The following ATRNL1 variants were observed in gnomAD, a reference collection of about 807,000 sequenced individuals.
ATRNL1 encodes the protein attractin-like protein 1.
In ATRNL1, 95 loss-of-function variants were observed where a neutral mutation model predicts 182.7. The ratio of observed to expected loss-of-function variants is 0.52; its 90% CI spans 0.44 to 0.62. The LOEUF (loss-of-function observed/expected upper bound fraction) is 0.62. ATRNL1 is among the 20% of genes least tolerant of loss of function. The pLI, the probability that ATRNL1 is intolerant of heterozygous loss-of-function variation, is 0.00. For synonymous variants in ATRNL1, 576 were observed against 568.3 expected (o/e 1.01, Z -0.19); for missense variants, 1,471 against 1,679.5 (o/e 0.88, Z 2.17).
chr10:115,732,203 T>G (rs1467437449), intron 27 of ATRNL1, among the ~76,000 whole-genome samples: 2 of 152,214 alleles, frequency 1.3e-5, no homozygotes, highest in African/African-American at 4.8e-5. Flanking sequence ...CTGGATTATA[T>G]CGTAACTTTT....
chr10:115,381,650 C>A (rs1554951146), intron 19 of ATRNL1, among the ~76,000 whole-genome samples: 1 of 151,594 alleles, frequency 6.6e-6, no homozygotes, highest in Non-Finnish European at 1.5e-5. Context: ...AATTTTATTC[C>A]ATTCTTTATT....
chr10:115,175,546 A>G (rs1320118499), intron 8 of ATRNL1, among the ~76,000 whole-genome samples: 1 of 152,046 alleles, frequency 6.6e-6, no homozygotes, highest in Non-Finnish European at 1.5e-5. Context: ...TACTAACTGC[A>G]TTACTTGTCA....
chr10:115,452,613 T>G (rs782469824), intron 21 of ATRNL1, among the ~76,000 whole-genome samples: 4 of 152,136 alleles, frequency 2.6e-5, no homozygotes, highest in Non-Finnish European at 5.9e-5. Flanking sequence ...AGGAAATAAT[T>G]ATACATCTAT....
intron 28 of ATRNL1, among the ~76,000 whole-genome samples, chr10:115,858,256 G>A (rs985300253): frequency 6.6e-6 from 1 of 152,176 alleles, no homozygotes; most frequent in African/African-American, 2.4e-5. Flanking sequence ...GTTCATTGCA[G>A]CACTGTTCAC....
chr10:115,286,433 C>G (rs1554918978), intron 15 of ATRNL1, 36 bp downstream of exon 15: 15 of 1,278,108 alleles, frequency 1.2e-5, no homozygotes, highest in Non-Finnish European at 1.6e-5. Context: ...TGGAAATATG[C>G]TATGATAATT....
chr10:115,098,028 A>T (rs531351369), intron 1 of ATRNL1, among the ~76,000 whole-genome samples: 1 of 152,378 alleles, frequency 6.6e-6, no homozygotes, highest in African/African-American at 2.4e-5. Context: ...GGAAACTGAC[A>T]GTAATTATAA....
chr10:115,445,633 A>G (rs1209591318), intron 21 of ATRNL1, among the ~76,000 whole-genome samples: 2 of 151,558 alleles, frequency 1.3e-5, no homozygotes, highest in African/African-American at 2.4e-5. Flanking sequence ...ACAAACCATA[A>G]AAGTCACCAT....
chr10:115,639,815 T>G (rs1230088312), intron 26 of ATRNL1, among the ~76,000 whole-genome samples: 1 of 152,032 alleles, frequency 6.6e-6, no homozygotes, highest in Non-Finnish European at 1.5e-5. Flanking sequence ...TCAATTTTTT[T>G]GATTATACTT....
chr10:115,654,774 T>C lies in ATRNL1; in HGVS notation c.3796-72474T>C, dbSNP rs147049531. On this transcript the variant is annotated intron_variant, in intron 26 of 28. Coordinates refer to ENST00000355044, the MANE Select transcript of ATRNL1 (RefSeq NM_207303.4). ...GTGGATTTAAGATGACCACAAATTC[T>C]TTGACATTACTCACAAAGAAAGGTG... 2.7e-3 allele frequency among the ~76,000 whole-genome samples: 409 copies of C among 152,284 alleles called. 1 individual carries two copies. Among genetic ancestry groups the C allele is most frequent in the African/African-American group, 9.2e-3 (384 of 41,576 alleles).
intron 9 of ATRNL1, among the ~76,000 whole-genome samples, chr10:115,234,757 A>C (rs1342942356): frequency 1.3e-5 from 2 of 151,660 alleles, no homozygotes; most frequent in South Asian, 2.1e-4. Flanking sequence ...GGGCCGACTA[A>C]TTTTTGTATT....
chr10:115,426,482 C>T (rs1845902069), intron 21 of ATRNL1, among the ~76,000 whole-genome samples, 180 bp downstream of exon 21: 1 of 152,136 alleles, frequency 6.6e-6, no homozygotes, highest in Non-Finnish European at 1.5e-5. Context: ...ATATTTGGTA[C>T]ATTTTTTCTA....
At chr10:115,660,590 G>C (rs781951347) in intron 26 of ATRNL1, among the ~76,000 whole-genome samples, 2 of 151,972 alleles carry the variant, frequency 1.3e-5, no homozygotes, top group Admixed American at 1.3e-4. Flanking sequence ...TTTTAAGAAC[G>C]CTTCAGGATG....
At chr10:115,328,511 C>G (rs139212489) in intron 18 of ATRNL1, among the ~76,000 whole-genome samples, 1 of 152,092 alleles carries the variant, frequency 6.6e-6, no homozygotes. Flanking sequence ...TTCTTGTACT[C>G]TATTGCATCA....
At chr10:115,741,895 T>G (rs1948149879) in intron 27 of ATRNL1, among the ~76,000 whole-genome samples, 1 of 152,076 alleles carries the variant, frequency 6.6e-6, no homozygotes, top group African/African-American at 2.4e-5. Flanking sequence ...AATGACAGGC[T>G]GAGAAAGAGT....
At chr10:115,333,291 T>A (rs1855321544) in intron 18 of ATRNL1, among the ~76,000 whole-genome samples, 1 of 152,162 alleles carries the variant, frequency 6.6e-6, no homozygotes, top group Non-Finnish European at 1.5e-5. Context: ...ATACATGAAC[T>A]TTATTCTGAA....
chr10:115,644,179 C>A (rs1859452428), intron 26 of ATRNL1, among the ~76,000 whole-genome samples: 1 of 152,170 alleles, frequency 6.6e-6, no homozygotes, highest in African/African-American at 2.4e-5. Context: ...ATCTCAAATG[C>A]ATTATGCCAA....
rs1030239153 is a variant in ATRNL1 at position 115,853,749 on chromosome 10, G to A, written c.4018+5758G>A. Among the ~76,000 whole-genome samples, 25 of 152,220 alleles carry A rather than the reference G, an allele frequency of 1.6e-4. No homozygotes were observed. The East Asian group carries it at 1.7e-3, about 11-fold the overall frequency. On this transcript the variant is annotated intron_variant, in intron 28 of 28. Coordinates refer to ENST00000355044, the MANE Select transcript of ATRNL1 (RefSeq NM_207303.4). ...AATACAAATATTGTTTATAGGCAGC[G>A]TATGTGTCTTCACAAAGAAGAAAGA...
intron 28 of ATRNL1, among the ~76,000 whole-genome samples, chr10:115,933,517 C>A (rs1953466901): frequency 6.6e-6 from 1 of 152,168 alleles, no homozygotes; most frequent in Non-Finnish European, 1.5e-5. Flanking sequence ...GGAGGGGAAG[C>A]CAGCAGGGAT....
At chr10:115,251,132 T>C (rs1314828836) in intron 10 of ATRNL1, among the ~76,000 whole-genome samples, 28 of 152,200 alleles carry the variant, frequency 1.8e-4, no homozygotes. Context: ...TTCTACTTGG[T>C]AGTAGGTGTC....
Sources: gnomAD v4.1 joint callset for allele counts (sites outside exome capture counted in the v4.1 genomes callset) on GRCh38, gnomAD v4.1.1 for gene constraint, MANE v1.5 for transcripts, NCBI Gene and HGNC (gene_info 2026-07-23, HGNC 2026-07-21) for gene names.